The following CCDC171 variants were observed in gnomAD, a reference collection of about 807,000 sequenced individuals.
CCDC171 encodes coiled-coil domain containing 171, also known as coiled-coil domain-containing protein 171.
In CCDC171, 177 loss-of-function variants were observed where a neutral mutation model predicts 168.2. That is an observed-to-expected ratio of 1.05 (90% CI 0.93 to 1.19). The LOEUF is 1.19. CCDC171 is among the 50% of genes most tolerant of loss of function. CCDC171 has a pLI of 0.00. For missense variants in CCDC171, 1,991 were observed against 1,539.0 expected, an observed-to-expected ratio of 1.29 and a Z score of -4.91; for synonymous variants, 687 against 540.8, an observed-to-expected ratio of 1.27 and a Z score of -3.75.
At chr9:16,060,152 G>C (rs1554716921) in intron 1 of CCDC171, among the ~76,000 whole-genome samples, 1 of 152,136 alleles carries the variant, frequency 6.6e-6, no homozygotes, top group Non-Finnish European at 1.5e-5. Flanking sequence ...TCTTCTCTCT[G>C]AAGGCTAGTG....
intron 24 of CCDC171, among the ~76,000 whole-genome samples, chr9:15,876,780 G>C (rs913536692): frequency 6.6e-6 from 1 of 151,908 alleles, no homozygotes; most frequent in African/African-American, 2.4e-5. Flanking sequence ...TTTATACTAA[G>C]TGTGGCTACT....
chr9:15,771,710 A>G (rs1054383731), intron 18 of CCDC171, among the ~76,000 whole-genome samples: 1 of 152,240 alleles, frequency 6.6e-6, no homozygotes, highest in Non-Finnish European at 1.5e-5. Context: ...ACCTCAAGGT[A>G]GTATTGCTCA....
chr9:16,048,698 A>G (rs1408681330), intron 1 of CCDC171, among the ~76,000 whole-genome samples: 1 of 145,978 alleles, frequency 6.9e-6, no homozygotes, highest in East Asian at 1.9e-4. Context: ...AAATAAAGAA[A>G]TAGGCAGAAC....
At chr9:16,095,487 C>G in the CCDC171 span, among the ~76,000 whole-genome samples, 1 of 151,248 alleles carries the variant, frequency 6.6e-6, no homozygotes, top group African/African-American at 2.5e-5. Context: ...TTCGTTTTCT[C>G]TATATCTCTC....
chr9:15,731,414 A>G (rs2054145160), intron 16 of CCDC171, among the ~76,000 whole-genome samples: 1 of 152,104 alleles, frequency 6.6e-6, no homozygotes, highest in Non-Finnish European at 1.5e-5. Context: ...CATGTAGATT[A>G]GTTTTCACCT....
intron 3 of CCDC171, among the ~76,000 whole-genome samples, chr9:15,991,791 C>G (rs1310610818): frequency 6.6e-6 from 1 of 152,180 alleles, no homozygotes; most frequent in Non-Finnish European, 1.5e-5. Flanking sequence ...TCAGAGAATA[C>G]TATAAACACC....
At chr9:15,849,006 T>C (rs1375288631) in intron 23 of CCDC171, 59 bp downstream of exon 23, 1 of 818,738 alleles carries the variant, frequency 1.2e-6, no homozygotes, top group Non-Finnish European at 1.9e-6. Context: ...GTCATTATTT[T>C]TATTAGCCAC....
At chr9:15,765,456 G>A (rs1050511763) in intron 18 of CCDC171, among the ~76,000 whole-genome samples, 1 of 152,182 alleles carries the variant, frequency 6.6e-6, no homozygotes, top group Non-Finnish European at 1.5e-5. Flanking sequence ...GCACAGAAGT[G>A]GGGAGGAAGG....
intron 1 of CCDC171, among the ~76,000 whole-genome samples, chr9:16,044,562 G>A (rs1361334619): frequency 1.4e-5 from 2 of 146,900 alleles, no homozygotes; most frequent in Non-Finnish European, 1.5e-5. Flanking sequence ...CTTTGAGTAT[G>A]TTGTGGAAGG....
intron 6 of CCDC171, among the ~76,000 whole-genome samples, chr9:15,605,224 C>T (rs1320299270): frequency 6.6e-6 from 1 of 152,008 alleles, no homozygotes; most frequent in Non-Finnish European, 1.5e-5. Flanking sequence ...AACACATTAA[C>T]ATATGTTGAC....
At chr9:16,044,365 G>A (rs1413497937) in intron 1 of CCDC171, among the ~76,000 whole-genome samples, 3 of 151,962 alleles carry the variant, frequency 2.0e-5, no homozygotes, top group African/African-American at 7.3e-5. Context: ...CTTCCAAATT[G>A]TATACGTTGG....
chr9:15,554,707 C>G (rs1478090010), intron 1 of CCDC171, among the ~76,000 whole-genome samples: 1 of 152,208 alleles, frequency 6.6e-6, no homozygotes, highest in Non-Finnish European at 1.5e-5. Context: ...TGCTGAGAAA[C>G]ACTTCCAACA....
At chr9:15,796,552 A>G (rs2058565082) in intron 21 of CCDC171, among the ~76,000 whole-genome samples, 1 of 152,220 alleles carries the variant, frequency 6.6e-6, no homozygotes. Context: ...AATATAATGT[A>G]CACTTAAAAT....
chr9:15,714,828 C>T (rs555212771), intron 11 of CCDC171, among the ~76,000 whole-genome samples: 1 of 152,274 alleles, frequency 6.6e-6, no homozygotes, highest in Non-Finnish European at 1.5e-5. Context: ...GACTTTTCTA[C>T]TTATGCAAAC....
At chr9:15,913,401 T>C (rs1413517092) in intron 24 of CCDC171, among the ~76,000 whole-genome samples, 2 of 152,228 alleles carry the variant, frequency 1.3e-5, no homozygotes, top group African/African-American at 4.8e-5. Flanking sequence ...TTATTGTGTC[T>C]ATTTGATTCT....
chr9:15,760,804 G>T (rs2056400621), intron 18 of CCDC171, among the ~76,000 whole-genome samples: 1 of 152,118 alleles, frequency 6.6e-6, no homozygotes, highest in African/African-American at 2.4e-5. Context: ...AGTGGGCAAA[G>T]ACCCCAGTTT....
chr9:15,744,823 A>C (rs1306878333), intron 17 of CCDC171, 46 bp downstream of exon 17: 2 of 1,562,692 alleles, frequency 1.3e-6, no homozygotes, highest in African/African-American at 2.7e-5. Flanking sequence ...ATGTAAGCGA[A>C]ATACAGTGTG....
rs151080911 is a variant in CCDC171, at chr9:15,627,360, C to G, written c.822+3947C>G. On this transcript the variant is annotated intron_variant, in intron 7 of 25. Coordinates refer to ENST00000380701, the MANE Select transcript of CCDC171 (RefSeq NM_173550.4). ...TTAATTTTTTCTTGCCTTCTGCTAG[C>G]TTTTGTATGTGTTTGCTCTTGCTTC... is the stretch of plus-strand genomic sequence containing the variant. 1.8e-3 allele frequency among the ~76,000 whole-genome samples: 268 copies of G among 152,080 alleles called. 2 individuals are homozygous for G. Among genetic ancestry groups the G allele is most frequent in the African/African-American group, 6.0e-3 (248 of 41,462 alleles).
At chr9:15,605,969 G>C (rs2043198631) in intron 6 of CCDC171, among the ~76,000 whole-genome samples, 1 of 152,100 alleles carries the variant, frequency 6.6e-6, no homozygotes, top group South Asian at 2.1e-4. Flanking sequence ...GACACCAGTG[G>C]ATGCCTGAAA....
Sources: gnomAD v4.1 joint callset for allele counts (sites outside exome capture counted in the v4.1 genomes callset) on GRCh38, gnomAD v4.1.1 for gene constraint, MANE v1.5 for transcripts, NCBI Gene and HGNC (gene_info 2026-07-23, HGNC 2026-07-21) for gene names.